Variants in ZBTB7C observed in about 807,000 individuals in gnomAD.
ZBTB7C encodes zinc finger and BTB domain-containing protein 7C.
ZBTB7C carries 8 observed loss-of-function variants against 25.7 expected under a neutral mutation model. That is an observed-to-expected ratio of 0.31 (90% CI 0.18 to 0.56). The LOEUF (loss-of-function observed/expected upper bound fraction) is 0.56, where lower values mean the gene tolerates loss of function less well. Ranked by LOEUF, ZBTB7C falls within the 20% of genes least tolerant of loss-of-function variation. The pLI is 0.91. For synonymous variants in ZBTB7C, 394 were observed against 369.0 expected (o/e 1.07, Z -0.78); for missense variants, 824 against 855.2 (o/e 0.96, Z 0.46).
At chr18:48,136,112 G>A (rs1369574207) in intron 3 of ZBTB7C, among the ~76,000 whole-genome samples, 1 of 152,166 alleles carries the variant, frequency 6.6e-6, no homozygotes, top group African/African-American at 2.4e-5. Flanking sequence ...TGCTGGGTTA[G>A]GGGGAAGCTC....
chr18:48,321,044 T>C lies in ZBTB7C; in HGVS notation c.-79+17130A>G, dbSNP rs536852506. On this transcript the variant is annotated intron_variant, in intron 2 of 4. Transcript: ENST00000590800. ...AGTGGTTCTCTACCTTAGCTGCCCATTGAAATCACCTAGAGAAATTCATAA... is the reference window on the plus strand; with the variant it reads ...AGTGGTTCTCTACCTTAGCTGCCCACTGAAATCACCTAGAGAAATTCATAA... Among the ~76,000 whole-genome samples, 4 of 152,362 alleles carry C rather than the reference T, an allele frequency of 2.6e-5. No homozygotes were observed. In the East Asian group the frequency reaches 5.8e-4, roughly 22 times the overall value.
intron 1 of ZBTB7C, among the ~76,000 whole-genome samples, chr18:48,388,139 T>C (rs996067443): frequency 6.6e-6 from 1 of 152,148 alleles, no homozygotes; most frequent in Non-Finnish European, 1.5e-5. Flanking sequence ...TGTAGGTTTG[T>C]TTTATGAGCC....
chr18:48,120,659 G>C (rs1238684967), intron 3 of ZBTB7C, among the ~76,000 whole-genome samples: 1 of 152,254 alleles, frequency 6.6e-6, no homozygotes, highest in South Asian at 2.1e-4. Context: ...ATATGTGTAG[G>C]AACTAGTGCT....
At chr18:48,410,258 A>C (rs1180158581), upstream of ZBTB7C, among the ~76,000 whole-genome samples, 1 of 151,680 alleles carries the variant, frequency 6.6e-6, no homozygotes, top group East Asian at 2.0e-4. Flanking sequence ...CTCAGCGGGC[A>C]ATCGCGCTCG....
intron 3 of ZBTB7C, among the ~76,000 whole-genome samples, chr18:48,132,936 GA>G (rs2040031779): frequency 6.6e-6 from 1 of 152,248 alleles, no homozygotes; most frequent in African/African-American, 2.4e-5. Flanking sequence ...TATCATTTGG[GA>G]GGGCCACATG....
At chr18:48,169,681 T>G (rs896997910) in intron 3 of ZBTB7C, 5 of 152,400 alleles carry the variant, frequency 3.3e-5, no homozygotes, top group Non-Finnish European at 7.3e-5. Flanking sequence ...TACTGGCTCA[T>G]GAAGTCTCGT....
intron 3 of ZBTB7C, among the ~76,000 whole-genome samples, chr18:48,080,035 A>G (rs966577163): frequency 3.3e-5 from 5 of 152,176 alleles, no homozygotes; most frequent in African/African-American, 9.7e-5. Flanking sequence ...ACGTTACCAC[A>G]CTCTGGCAAG....
intron 3 of ZBTB7C, among the ~76,000 whole-genome samples, chr18:48,106,904 G>C (rs939269741): frequency 4.6e-5 from 7 of 152,078 alleles, no homozygotes; most frequent in African/African-American, 1.7e-4. Context: ...GGCTGGGAGA[G>C]GGGGAAAGGA....
At chr18:48,138,350 C>T (rs1274383842) in intron 3 of ZBTB7C, among the ~76,000 whole-genome samples, 1 of 152,210 alleles carries the variant, frequency 6.6e-6, no homozygotes, top group Non-Finnish European at 1.5e-5. Context: ...GAGATTCATT[C>T]CTTCTCGGGG....
intron 2 of ZBTB7C, among the ~76,000 whole-genome samples, chr18:48,190,928 AT>A (rs1568290963): frequency 6.6e-6 from 1 of 152,196 alleles, no homozygotes; most frequent in Non-Finnish European, 1.5e-5. Context: ...TATAATCGGC[AT>A]GTGACACAAA....
intron 3 of ZBTB7C, among the ~76,000 whole-genome samples, chr18:48,126,849 C>T (rs541673342): frequency 7.4e-6 from 1 of 135,546 alleles, no homozygotes; most frequent in South Asian, 2.2e-4. Flanking sequence ...ATGACTTCTA[C>T]CTTTCCGCCT....
chr18:48,162,070 G>A (rs1406993232), intron 3 of ZBTB7C, among the ~76,000 whole-genome samples: 1 of 138,114 alleles, frequency 7.2e-6, no homozygotes, highest in Non-Finnish European at 1.7e-5. Flanking sequence ...GGGCTGAGAG[G>A]GGCGAACGCA....
At chr18:48,049,034 T>C (rs927342268) in intron 3 of ZBTB7C, among the ~76,000 whole-genome samples, 2 of 152,212 alleles carry the variant, frequency 1.3e-5, no homozygotes, top group African/African-American at 2.4e-5. Flanking sequence ...TGTTCCATTA[T>C]TGGAACACTA....
chr18:48,367,373 A>ATATATAT lies in ZBTB7C; in HGVS notation c.-303-28976_-303-28975insATATATA, dbSNP rs757386700. Among the ~76,000 whole-genome samples, 893 of 96,312 alleles carry ATATATAT rather than the reference A, an allele frequency of 9.3e-3. 15 individuals carry two copies. The highest frequency in any genetic ancestry group is 0.012 in the Non-Finnish European group (600 of 50,004). 63.2% of individuals were successfully genotyped at this position (96,312 alleles called of 152,430 possible). On this transcript the variant is annotated intron_variant, in intron 1 of 4. Transcript: ENST00000590800. Reference sequence around the variant, plus strand: ...ATATATATATATATATATATATATAAAATACAAACAGAAGACTCTAAAAGG... The same window carrying ATATATAT: ...ATATATATATATATATATATATATAATATATATAATACAAACAGAAGACTCTAAAAGG...
chr18:48,305,700 A>G (rs190699663), intron 2 of ZBTB7C, among the ~76,000 whole-genome samples: 39 of 152,268 alleles, frequency 2.6e-4, no homozygotes, highest in African/African-American at 9.1e-4. Context: ...AGAGTGGATG[A>G]ACATCAGACC....
At chr18:48,387,362 T>C (rs1008819459) in intron 1 of ZBTB7C, among the ~76,000 whole-genome samples, 3 of 152,156 alleles carry the variant, frequency 2.0e-5, no homozygotes, top group Non-Finnish European at 4.4e-5. Context: ...ACTGCATTAA[T>C]CTACCAAACC....
intron 2 of ZBTB7C, among the ~76,000 whole-genome samples, chr18:48,297,762 A>T (rs969576897): frequency 2.0e-5 from 3 of 152,232 alleles, no homozygotes; most frequent in African/African-American, 7.2e-5. Flanking sequence ...GAAGGCAGAA[A>T]CATGAACTTC....
intron 3 of ZBTB7C, among the ~76,000 whole-genome samples, chr18:48,171,303 C>G (rs2041470492): frequency 6.6e-6 from 1 of 152,226 alleles, no homozygotes; most frequent in Non-Finnish European, 1.5e-5. Context: ...CTTTGGCCAT[C>G]TCACCCCCTC....
Position 48,086,810 on chromosome 18 carries a change from C to T in ZBTB7C, c.-16-45687G>A, listed in dbSNP as rs537337954. On this transcript the variant is annotated intron_variant, in intron 3 of 4. Transcript: ENST00000590800. ...TGCAACAGGCTTTAAACTTTGCAAA[C>T]GCTTGTATGTTTACCATCTTATTTA... Among the ~76,000 whole-genome samples, 39 of 152,226 alleles carry T rather than the reference C, an allele frequency of 2.6e-4. 1 individual carries two copies. The East Asian group carries it at 4.0e-3, about 16-fold the overall frequency.
Sources: gnomAD v4.1 joint callset for allele counts (sites outside exome capture counted in the v4.1 genomes callset) on GRCh38, gnomAD v4.1.1 for gene constraint, MANE v1.5 for transcripts, NCBI Gene and HGNC (gene_info 2026-07-23, HGNC 2026-07-21) for gene names.